AFDN: variants seen among roughly 807,000 people sequenced by gnomAD.
AFDN encodes the protein afadin.
A neutral mutation model predicts 216.6 loss-of-function variants in AFDN; 68 were observed. That is an observed-to-expected ratio of 0.31 (90% CI 0.26 to 0.38). The LOEUF (loss-of-function observed/expected upper bound fraction) is 0.38. AFDN is among the 10% of genes least tolerant of loss of function. AFDN has a pLI of 1.00. For synonymous variants in AFDN, 868 were observed against 853.7 expected, an observed-to-expected ratio of 1.02 and a Z score of -0.29; for missense variants, 2,136 against 2,342.0, an observed-to-expected ratio of 0.91 and a Z score of 1.82.
chr6:167,962,625 T>C lies in AFDN; in HGVS notation c.4968+58T>C. ...CCAAGTTAGCCTGAACGTAATCGATTGGCTGGGGCAGAGCGGGCTGGAAGT... is the reference window on the plus strand; with the variant it reads ...CCAAGTTAGCCTGAACGTAATCGATCGGCTGGGGCAGAGCGGGCTGGAAGT... On this transcript the variant is annotated intron_variant, in intron 31 of 33. Coordinates refer to ENST00000683244, the MANE Select transcript of AFDN (RefSeq NM_001386888.1). The surrounding 1 kb of genome is among the most constrained non-coding windows in gnomAD (Gnocchi z 5.2). The C allele has an allele frequency of 6.2e-7, 1 of 1,609,652 alleles. No homozygotes were observed. Among genetic ancestry groups the C allele is most frequent in the Non-Finnish European group, 8.5e-7 (1 of 1,176,218 alleles).
At chr6:167,873,522 A>G (rs951369466) in intron 4 of AFDN, among the ~76,000 whole-genome samples, 1 of 152,158 alleles carries the variant, frequency 6.6e-6, no homozygotes, top group Non-Finnish European at 1.5e-5. Flanking sequence ...TCCTTGTTCT[A>G]CGACTTAGGG....
intron 23 of AFDN, among the ~76,000 whole-genome samples, chr6:167,933,873 A>G (rs573228524): frequency 1.3e-5 from 2 of 152,314 alleles, no homozygotes; most frequent in East Asian, 3.9e-4. Flanking sequence ...TGGATGTAGA[A>G]TATTGGCTGT....
intron 23 of AFDN, among the ~76,000 whole-genome samples, chr6:167,933,153 C>CT (rs1793538286): frequency 6.6e-6 from 1 of 152,160 alleles, no homozygotes; most frequent in Non-Finnish European, 1.5e-5. Context: ...CAGCCTTTCT[C>CT]TAAGACCTGT....
intron 31 of AFDN, chr6:167,965,009 T>A (rs1329020074): frequency 3.8e-6 from 4 of 1,047,870 alleles, no homozygotes; most frequent in Non-Finnish European, 4.6e-6. Context: ...TCAAAATATA[T>A]TTGAATATCT....
chr6:167,906,130 G>C (rs755648394), intron 12 of AFDN, among the ~76,000 whole-genome samples: 1 of 152,072 alleles, frequency 6.6e-6, no homozygotes, highest in Non-Finnish European at 1.5e-5. Context: ...AACTCTTATG[G>C]AAGGATTCAT....
At chr6:167,934,808 C>A (rs1454071255) in intron 23 of AFDN, among the ~76,000 whole-genome samples, 1 of 152,140 alleles carries the variant, frequency 6.6e-6, no homozygotes, top group African/African-American at 2.4e-5. Context: ...AGCCTAGGCT[C>A]CGCCTGACCG....
chr6:167,914,607 C>A, intron 17 of AFDN, 37 bp from the exon 18 acceptor site: 2 of 1,415,794 alleles, frequency 1.4e-6, no homozygotes, highest in Non-Finnish European at 1.0e-6. Context: ...AGCTGTCTGT[C>A]ATGCTAAGAT....
chr6:167,911,187 C>T, intron 14 of AFDN, 25 bp downstream of exon 14: 1 of 1,608,638 alleles, frequency 6.2e-7, no homozygotes. Flanking sequence ...ATTTCATTGT[C>T]AATGAATTAT....
At position 167,918,811 on chromosome 6, in the gene AFDN, A is replaced by C. The variant is rs774077206; in HGVS notation, c.2786A>C (p.Gln929Pro). Reference protein sequence around the residue: ...ELARSDGREVQLEEDPDLQLP... With the variant: ...ELARSDGREVPLEEDPDLQLP... ...GCCCGCAGTGATGGAAGGGAAGTGC[A>C]GTTGGAGGAGGATCCTGATCTGCAG... Residue 929 changes from glutamine (Q) to proline (P), a missense_variant, in exon 21 of 34, where the codon CAG becomes CCG. This residue lies in a region of AFDN where 162 missense variants were observed against 182.6 expected (regional missense o/e 0.89). Transcript: ENST00000683244. 1.2e-6 allele frequency: 2 copies of C among 1,612,962 alleles called. No individual in the cohort carries two copies. Among genetic ancestry groups the C allele is most frequent in the South Asian group, 1.1e-5 (1 of 90,862 alleles).
At chr6:167,945,049 TA>T (rs533547013) in intron 26 of AFDN, among the ~76,000 whole-genome samples, 4 of 151,790 alleles carry the variant, frequency 2.6e-5, no homozygotes, top group African/African-American at 9.7e-5. Flanking sequence ...AATTTTAAAT[TA>T]AAAAAAACCT....
intron 9 of AFDN, among the ~76,000 whole-genome samples, chr6:167,894,528 G>T (rs926862814): frequency 1.2e-4 from 18 of 152,272 alleles, no homozygotes; most frequent in Non-Finnish European, 1.5e-4. Context: ...ATGGACTACT[G>T]CACTCTCCCT....
At chr6:167,920,634 T>C (rs1480639481) in intron 21 of AFDN, among the ~76,000 whole-genome samples, 1 of 152,196 alleles carries the variant, frequency 6.6e-6, no homozygotes, top group Non-Finnish European at 1.5e-5. Context: ...CCAGGAACTC[T>C]TCCTCTGTCA....
At chr6:167,967,932 G>A (rs948043389) in intron 32 of AFDN, among the ~76,000 whole-genome samples, 1 of 152,136 alleles carries the variant, frequency 6.6e-6, no homozygotes, top group Non-Finnish European at 1.5e-5. Flanking sequence ...AGCAGCATTA[G>A]GATGTGAATG....
intron 23 of AFDN, among the ~76,000 whole-genome samples, chr6:167,932,378 G>A (rs1440635979): frequency 1.3e-5 from 2 of 152,096 alleles, no homozygotes; most frequent in Non-Finnish European, 2.9e-5. Flanking sequence ...TTGCTTTTGG[G>A]GACGGTCAGC....
At chr6:167,896,685 T>TA (rs1248393972) in intron 9 of AFDN, among the ~76,000 whole-genome samples, 193 bp from the exon 10 acceptor site, 1 of 152,250 alleles carries the variant, frequency 6.6e-6, no homozygotes, top group African/African-American at 2.4e-5. Flanking sequence ...CAGAAACTGA[T>TA]ACGTTTATTT....
intron 30 of AFDN, among the ~76,000 whole-genome samples, chr6:167,955,290 C>A (rs116321430): frequency 8.1e-6 from 1 of 123,164 alleles, no homozygotes; most frequent in Non-Finnish European, 1.8e-5. Context: ...TAATAGTCCC[C>A]TTTTCCTTCC....
intron 9 of AFDN, among the ~76,000 whole-genome samples, chr6:167,896,407 A>C (rs1788254040): frequency 6.6e-6 from 1 of 152,158 alleles, no homozygotes; most frequent in Non-Finnish European, 1.5e-5. Flanking sequence ...GGGGAGCGCT[A>C]TGAGAACTGC....
rs1372982699 is a variant in AFDN at position 167,951,833 on chromosome 6, G to T, written c.4479G>T (p.Gln1493His). 6.2e-7 allele frequency: 1 copy of T among 1,614,044 alleles called. No homozygotes were observed. Among genetic ancestry groups the T allele is most frequent in the Non-Finnish European group, 8.5e-7 (1 of 1,180,044 alleles). The change falls in exon 30 of 34, where the codon CAG becomes CAT. Residue 1493 changes from glutamine to histidine, a missense_variant. Coordinates refer to ENST00000683244, the MANE Select transcript of AFDN (RefSeq NM_001386888.1). This position sits in a 1 kb window ranked among gnomAD's most constrained non-coding sequence, Gnocchi z 7.1. ...TVIRELQPQQ[Q>H]PRTIERRDLQ... is the part of the protein sequence containing the mutation. ...TTCGGGAGCTGCAGCCTCAGCAGCA[G>T]CCCCGCACGATCGAGCGCAGAGACT...
chr6:167,834,457 GTTTTTTTTT>G (rs11446838), intron 1 of AFDN, among the ~76,000 whole-genome samples: 23 of 75,252 alleles, frequency 3.1e-4, no homozygotes, highest in Admixed American at 1.8e-3. Context: ...TGTTGTTTCG[GTTTTTTTTT>G]TTTTTTTTTT....
Sources: gnomAD v4.1 joint callset for allele counts (sites outside exome capture counted in the v4.1 genomes callset) on GRCh38, gnomAD v4.1.1 for gene constraint, gnomAD v4.1.1 regional missense constraint, Gnocchi (gnomAD v3.1) non-coding constraint, MANE v1.5 for transcripts, NCBI Gene and HGNC (gene_info 2026-07-23, HGNC 2026-07-21) for gene names.